The following CNTNAP2 variants were observed in gnomAD, a reference collection of about 807,000 sequenced individuals.
The protein encoded by CNTNAP2 is contactin associated protein 2, also known as contactin-associated protein-like 2.
Under a neutral mutation model 155.2 loss-of-function variants are expected in CNTNAP2, and 98 were observed. The ratio of observed to expected loss-of-function variants is 0.63; its 90% CI spans 0.54 to 0.75. CNTNAP2 has a LOEUF of 0.75. Among genes scored for constraint, CNTNAP2 ranks in the 30% least tolerant of loss-of-function variants. The probability of loss-of-function intolerance (pLI) is 0.00; values close to 1 mark genes in which losing one functional copy is unlikely to be tolerated. For missense variants in CNTNAP2, 1,727 were observed against 1,688.1 expected (o/e 1.02, Z -0.40); for synonymous variants, 651 against 631.2 (o/e 1.03, Z -0.47).
chr7:147,619,364 T>C (rs1801350976), intron 12 of CNTNAP2, among the ~76,000 whole-genome samples: 1 of 152,180 alleles, frequency 6.6e-6, no homozygotes, highest in African/African-American at 2.4e-5. Context: ...ATCTGTAGAG[T>C]GTAAATACAT....
At chr7:148,353,488 C>T (rs902852581) in intron 21 of CNTNAP2, among the ~76,000 whole-genome samples, 2 of 152,220 alleles carry the variant, frequency 1.3e-5, no homozygotes, top group Non-Finnish European at 2.9e-5. Context: ...AAAACCTCCT[C>T]TACATATTAT....
intron 5 of CNTNAP2, 133 bp downstream of exon 5, chr7:147,108,483 T>A: frequency 1.3e-6 from 1 of 769,880 alleles, no homozygotes; most frequent in Non-Finnish European, 2.0e-6. Flanking sequence ...ACTTAATCTA[T>A]AACAGTAGGT....
intron 17 of CNTNAP2, among the ~76,000 whole-genome samples, chr7:148,154,407 C>T (rs1028405684): frequency 3.3e-5 from 5 of 152,208 alleles, no homozygotes; most frequent in Admixed American, 6.5e-5. Flanking sequence ...CTGAGTCCAA[C>T]CTCCCCAAAT....
chr7:147,820,587 CT>C (rs1798345803), intron 13 of CNTNAP2, among the ~76,000 whole-genome samples: 3 of 151,908 alleles, frequency 2.0e-5, no homozygotes, highest in Admixed American at 6.6e-5. Context: ...AAAGCTTTGC[CT>C]CCCCAAGTTC....
intron 4 of CNTNAP2, among the ~76,000 whole-genome samples, chr7:147,059,555 G>A (rs1260594553): frequency 6.6e-6 from 1 of 150,756 alleles, no homozygotes; most frequent in Non-Finnish European, 1.5e-5. Flanking sequence ...CTTTTTAATT[G>A]AGGAAATAGT....
At chr7:146,677,065 G>GCTA (rs1172981044) in intron 1 of CNTNAP2, among the ~76,000 whole-genome samples, 1 of 152,178 alleles carries the variant, frequency 6.6e-6, no homozygotes, top group Non-Finnish European at 1.5e-5. Context: ...AGGTGGTTGG[G>GCTA]CTACAACTTG....
At chr7:146,652,964 C>G (rs949106370) in intron 1 of CNTNAP2, among the ~76,000 whole-genome samples, 1 of 152,080 alleles carries the variant, frequency 6.6e-6, no homozygotes, top group African/African-American at 2.4e-5. Flanking sequence ...TTGAAAAAGC[C>G]TTTCCTTTTT....
rs1249093126 is a variant in CNTNAP2, at chr7:148,398,160, C to CTTA, written c.3716-11231_3716-11230insTTA. Among the ~76,000 whole-genome samples the CTTA allele has an allele frequency of 4.6e-5, 7 of 152,280 alleles. No homozygotes were observed. In the South Asian group the frequency reaches 8.3e-4, roughly 18 times the overall value. On this transcript the variant is annotated intron_variant, in intron 22 of 23. Transcript: ENST00000361727. ...GGTTTGCCCATGCCCCCCTTCTAAC[C>CTTA]GCACAGTGGAGACAGAATCTGGTCA...
chr7:146,968,522 T>C (rs1337741676), intron 3 of CNTNAP2, among the ~76,000 whole-genome samples: 1 of 152,182 alleles, frequency 6.6e-6, no homozygotes, highest in East Asian at 1.9e-4. Context: ...TTCAACTTCT[T>C]CCTGGATTAG....
At chr7:147,039,707 GT>G (rs138261961) in intron 3 of CNTNAP2, among the ~76,000 whole-genome samples, 9,658 of 152,172 alleles carry the variant, frequency 0.063, 491 homozygotes, top group East Asian at 0.23. Flanking sequence ...GGATTGCTGG[GT>G]CAAATGGTAG....
At chr7:148,167,859 A>G (rs143614802) in intron 17 of CNTNAP2, among the ~76,000 whole-genome samples, 205 of 152,360 alleles carry the variant, frequency 1.3e-3, no homozygotes, top group Non-Finnish European at 2.3e-3. Context: ...GAATCAAGAC[A>G]GAAGCAGAGG....
intron 1 of CNTNAP2, among the ~76,000 whole-genome samples, chr7:146,684,409 A>T (rs1484313057): frequency 6.6e-6 from 1 of 152,044 alleles, no homozygotes; most frequent in South Asian, 2.1e-4. Context: ...TACACAAGCA[A>T]ATGGAGGTAA....
At chr7:147,595,220 C>A (rs930635468) in intron 12 of CNTNAP2, among the ~76,000 whole-genome samples, 3 of 152,218 alleles carry the variant, frequency 2.0e-5, no homozygotes, top group Admixed American at 2.0e-4. Context: ...TCACTCTCCT[C>A]TAACAGCCAT....
At chr7:147,248,412 C>T (rs999720647) in intron 8 of CNTNAP2, among the ~76,000 whole-genome samples, 1 of 152,114 alleles carries the variant, frequency 6.6e-6, no homozygotes, top group South Asian at 2.1e-4. Flanking sequence ...ACTTCGCAGT[C>T]TTGGTTGAGT....
chr7:146,522,586 T>G (rs1168464082), intron 1 of CNTNAP2, among the ~76,000 whole-genome samples: 1 of 151,748 alleles, frequency 6.6e-6, no homozygotes, highest in Non-Finnish European at 1.5e-5. Context: ...AATACTGAGG[T>G]AAAGGCCATG....
intron 1 of CNTNAP2, among the ~76,000 whole-genome samples, chr7:146,303,284 A>G (rs1468112832): frequency 6.6e-6 from 1 of 152,042 alleles, no homozygotes; most frequent in Non-Finnish European, 1.5e-5. Flanking sequence ...TGACATAATA[A>G]ACACTCATGT....
At chr7:148,058,160 C>T (rs1390540625) in intron 15 of CNTNAP2, among the ~76,000 whole-genome samples, 1 of 151,962 alleles carries the variant, frequency 6.6e-6, no homozygotes, top group East Asian at 1.9e-4. Flanking sequence ...TGACTTAGTA[C>T]ATGAAGAGAG....
chr7:146,913,497 C>T (rs79813999), intron 3 of CNTNAP2, among the ~76,000 whole-genome samples: 2,139 of 152,162 alleles, frequency 0.014, 50 homozygotes, highest in African/African-American at 0.049. Flanking sequence ...TCTCACAGTT[C>T]TTCAGGCTGA....
chr7:146,821,435 G>T (rs1467096127), intron 2 of CNTNAP2, among the ~76,000 whole-genome samples: 3 of 152,018 alleles, frequency 2.0e-5, no homozygotes, highest in Admixed American at 6.6e-5. Flanking sequence ...GCTTAGTTTG[G>T]CTGGATATGA....
Sources: allele counts gnomAD v4.1 joint callset (sites outside exome capture counted in the v4.1 genomes callset), GRCh38; gene constraint gnomAD v4.1.1; transcripts MANE v1.5; gene names NCBI Gene and HGNC (gene_info 2026-07-23, HGNC 2026-07-21).